The following UNC5D variants were observed in gnomAD, a reference collection of about 807,000 sequenced individuals.
UNC5D encodes netrin receptor UNC5D.
Under a neutral mutation model 105.4 loss-of-function variants are expected in UNC5D, and 39 were observed. That is an observed-to-expected ratio of 0.37 (90% confidence interval 0.29 to 0.48). The LOEUF is 0.48. Among genes scored for constraint, UNC5D ranks in the 20% least tolerant of loss-of-function variants. The probability of loss-of-function intolerance (pLI) is 0.98; values close to 1 mark genes in which losing one functional copy is unlikely to be tolerated. For synonymous variants in UNC5D, 452 were observed against 450.4 expected, an observed-to-expected ratio of 1.00 and a Z score of -0.04; for missense variants, 991 against 1,202.4, an observed-to-expected ratio of 0.82 and a Z score of 2.60.
Position 35,520,695 on chromosome 8 carries a change from A to G in UNC5D, c.104-28597A>G, listed in dbSNP as rs181600143. 2.2e-4 allele frequency among the ~76,000 whole-genome samples: 33 copies of G among 152,196 alleles called. No individual in the cohort carries two copies. The East Asian group carries it at 6.2e-3, about 29-fold the overall frequency. Reference sequence around the variant, plus strand: ...GTAGTATGTATACCCATGTGATAAAACCATGAACATATAAAGGAGGGAGAG... The same window carrying G: ...GTAGTATGTATACCCATGTGATAAAGCCATGAACATATAAAGGAGGGAGAG... On this transcript the variant is annotated intron_variant, in intron 1 of 16. Transcript: ENST00000404895.
At chr8:35,487,497 A>T (rs1454007541) in intron 1 of UNC5D, among the ~76,000 whole-genome samples, 1 of 151,930 alleles carries the variant, frequency 6.6e-6, no homozygotes, top group East Asian at 1.9e-4. Flanking sequence ...GATTTTAGAC[A>T]TATCTAGCCC....
intron 1 of UNC5D, among the ~76,000 whole-genome samples, chr8:35,291,467 G>A (rs1407186040): frequency 6.6e-6 from 1 of 152,198 alleles, no homozygotes; most frequent in Non-Finnish European, 1.5e-5. Context: ...ACCATCACTT[G>A]CTTAGTAATT....
intron 4 of UNC5D, among the ~76,000 whole-genome samples, chr8:35,650,167 T>G (rs1196763784): frequency 6.6e-6 from 1 of 152,164 alleles, no homozygotes; most frequent in Non-Finnish European, 1.5e-5. Context: ...CCACAACCAC[T>G]TAACCTGTAT....
intron 1 of UNC5D, among the ~76,000 whole-genome samples, chr8:35,338,229 C>G (rs981064431): frequency 6.6e-6 from 1 of 152,112 alleles, no homozygotes; most frequent in Non-Finnish European, 1.5e-5. Context: ...CATAAGCTGT[C>G]AAATGCCAGT....
chr8:35,597,364 G>A (rs913010185), intron 4 of UNC5D, among the ~76,000 whole-genome samples: 4 of 152,156 alleles, frequency 2.6e-5, no homozygotes, highest in African/African-American at 4.8e-5. Context: ...CAAACAGCAT[G>A]CCCTCCTTTC....
In UNC5D at chr8:35,475,908, T is replaced by C. The variant is rs189622120; in HGVS notation, c.104-73384T>C. On this transcript the variant is annotated intron_variant, in intron 1 of 16. Transcript: ENST00000404895. ...CATCTGTGAATCACCAGCTGGCAGATGCTAGTGCCATCATTTTCAACTAAT... is the reference window on the plus strand; with the variant it reads ...CATCTGTGAATCACCAGCTGGCAGACGCTAGTGCCATCATTTTCAACTAAT... 4.6e-3 allele frequency among the ~76,000 whole-genome samples: 696 copies of C among 152,260 alleles called. 8 individuals are homozygous for C. The highest frequency in any genetic ancestry group is 0.016 in the African/African-American group (668 of 41,550).
intron 1 of UNC5D, among the ~76,000 whole-genome samples, chr8:35,291,155 AAAAAACAACAAC>A (rs1807036925): frequency 6.6e-6 from 1 of 152,106 alleles, no homozygotes; most frequent in African/African-American, 2.4e-5. Flanking sequence ...GGCTGAATGG[AAAAAACAACAAC>A]AAAAACAACA....
In UNC5D at chr8:35,472,987, T is replaced by A. The variant is rs372717854; in HGVS notation, c.104-76305T>A. Among the ~76,000 whole-genome samples, 49 of 152,328 alleles carry A rather than the reference T, an allele frequency of 3.2e-4. No homozygotes were observed. In the East Asian group the frequency reaches 7.3e-3, roughly 23 times the overall value. ...CAAAGGCACACCAGAGTTGGTCTTA[T>A]TGGGCTGTCTGAGCAGTAAACTAAG... is the stretch of plus-strand genomic sequence containing the variant. On this transcript the variant is annotated intron_variant, in intron 1 of 16. Transcript: ENST00000404895.
At chr8:35,398,345 A>C (rs1804230545) in intron 1 of UNC5D, among the ~76,000 whole-genome samples, 1 of 152,028 alleles carries the variant, frequency 6.6e-6, no homozygotes, top group Non-Finnish European at 1.5e-5. Context: ...CATACTACTC[A>C]TCTCATAATC....
intron 4 of UNC5D, among the ~76,000 whole-genome samples, chr8:35,611,433 A>G (rs191481049): frequency 1.3e-3 from 198 of 152,326 alleles, no homozygotes; most frequent in Non-Finnish European, 2.0e-3. Flanking sequence ...ACTTACCACC[A>G]TTGAAGTATC....
chr8:35,539,414 T>G (rs533768214), intron 1 of UNC5D, among the ~76,000 whole-genome samples: 2 of 152,298 alleles, frequency 1.3e-5, no homozygotes, highest in Non-Finnish European at 2.9e-5. Flanking sequence ...AAAAGATACT[T>G]TCCAAGATTT....
chr8:35,764,308 A>G (rs1449777497), intron 14 of UNC5D, among the ~76,000 whole-genome samples: 1 of 152,166 alleles, frequency 6.6e-6, no homozygotes, highest in East Asian at 1.9e-4. Flanking sequence ...GATAAATAAC[A>G]GAGATGATGT....
chr8:35,323,723 A>G (rs1809928901), intron 1 of UNC5D, among the ~76,000 whole-genome samples: 1 of 152,206 alleles, frequency 6.6e-6, no homozygotes, highest in Non-Finnish European at 1.5e-5. Context: ...AAGCACAGAA[A>G]GTTAATTGCT....
At chr8:35,285,209 T>C (rs1806503030) in intron 1 of UNC5D, among the ~76,000 whole-genome samples, 1 of 152,238 alleles carries the variant, frequency 6.6e-6, no homozygotes. Context: ...AGTGCAGTAG[T>C]GTCCTTGTTA....
chr8:35,386,327 C>A (rs1336956431), intron 1 of UNC5D, among the ~76,000 whole-genome samples: 1 of 152,128 alleles, frequency 6.6e-6, no homozygotes, highest in Non-Finnish European at 1.5e-5. Flanking sequence ...GTATTTCTTT[C>A]TATAGACATG....
At chr8:35,491,619 T>A (rs778839647) in intron 1 of UNC5D, among the ~76,000 whole-genome samples, 1 of 150,910 alleles carries the variant, frequency 6.6e-6, no homozygotes, top group Non-Finnish European at 1.5e-5. Context: ...CACTTTAGAG[T>A]GTGTGTGTGT....
chr8:35,394,062 C>T (rs562941056), intron 1 of UNC5D, among the ~76,000 whole-genome samples: 1 of 151,442 alleles, frequency 6.6e-6, no homozygotes, highest in African/African-American at 2.4e-5. Context: ...CTTCTTGACC[C>T]TAGGAGTTTA....
At chr8:35,608,986 AT>A (rs1820504040) in intron 4 of UNC5D, among the ~76,000 whole-genome samples, 1 of 152,008 alleles carries the variant, frequency 6.6e-6, no homozygotes. Context: ...TATCCAAACT[AT>A]TTTTCATAGA....
chr8:35,759,511 A>C (rs1165124268), intron 14 of UNC5D, 42 bp downstream of exon 14: 1 of 1,589,880 alleles, frequency 6.3e-7, no homozygotes, highest in Non-Finnish European at 8.5e-7. Context: ...GCTTTGCTTT[A>C]ACCGGCAAGC....
Sources: gnomAD v4.1 joint callset for allele counts (sites outside exome capture counted in the v4.1 genomes callset) on GRCh38, gnomAD v4.1.1 for gene constraint, MANE v1.5 for transcripts, NCBI Gene and HGNC (gene_info 2026-07-23, HGNC 2026-07-21) for gene names.